The following CMAS variants were observed in gnomAD, a reference collection of about 807,000 sequenced individuals.
The protein encoded by CMAS is cytidine monophosphate N-acetylneuraminic acid synthetase.
A neutral mutation model predicts 53.4 loss-of-function variants in CMAS; 21 were observed. The observed-to-expected ratio is 0.39, with a 90% CI of 0.28 to 0.57. The LOEUF (loss-of-function observed/expected upper bound fraction) is 0.57, where lower values mean the gene tolerates loss of function less well. Among genes scored for constraint, CMAS ranks in the 20% least tolerant of loss-of-function variants. The pLI is 0.56. For synonymous variants in CMAS, 189 were observed against 195.2 expected (o/e 0.97, Z 0.27); for missense variants, 384 against 534.9 (o/e 0.72, Z 2.78).
rs745589927 is a variant in CMAS at position 22,046,498 on chromosome 12, C to T, written c.195C>T (p.His65=). The T allele has an allele frequency of 6.2e-7, 1 of 1,608,446 alleles. No homozygotes were observed. Among genetic ancestry groups the T allele is most frequent in the East Asian group, 2.2e-5 (1 of 44,454 alleles). Residue 65 remains histidine (H), a synonymous_variant, in exon 1 of 8, where the codon CAC becomes CAT. Coordinates refer to ENST00000229329, the MANE Select transcript of CMAS (RefSeq NM_018686.6). ...SKGIPLKNIK[H]LAGVPLIGWV... is the part of the protein sequence containing the mutation. ...GCATCCCCCTGAAGAACATTAAGCA[C>T]CTGGCGGGGGTCCCGCTCATTGGCT...
chr12:22,063,422 C>CTT (rs1187985437), intron 7 of CMAS, among the ~76,000 whole-genome samples: 6 of 152,064 alleles, frequency 3.9e-5, no homozygotes, highest in African/African-American at 1.2e-4. Context: ...TCCAACTATA[C>CTT]TTATTATCTT....
At chr12:22,048,592 A>G (rs1325127233) in intron 1 of CMAS, among the ~76,000 whole-genome samples, 1 of 152,172 alleles carries the variant, frequency 6.6e-6, no homozygotes, top group Non-Finnish European at 1.5e-5. Flanking sequence ...CCTCTTTTAG[A>G]GCAATTAGTT....
At chr12:22,065,070 A>C (rs988006872) in intron 7 of CMAS, 51 bp from the exon 8 acceptor site, 1 of 1,471,262 alleles carries the variant, frequency 6.8e-7, no homozygotes, top group Non-Finnish European at 9.3e-7. Flanking sequence ...ATTTAGCTAG[A>C]ATATTCTTTG....
At chr12:22,046,706 G>A (rs1950209104) in intron 1 of CMAS, 143 bp downstream of exon 1, 1 of 1,032,982 alleles carries the variant, frequency 9.7e-7, no homozygotes, top group Non-Finnish European at 1.3e-6. Context: ...GATCCGGGGT[G>A]CCTGGGGCCG....
In CMAS at chr12:22,061,432, T is replaced by A; in HGVS notation, c.940T>A (p.Leu314Ile). 1 of 1,593,960 alleles carries A rather than the reference T, an allele frequency of 6.3e-7. No individual in the cohort carries two copies. The highest frequency in any genetic ancestry group is 2.2e-5 in the East Asian group (1 of 44,606). The change falls in exon 6 of 8, where the codon TTA becomes ATA. Residue 314 changes from leucine (L) to isoleucine (I), a missense_variant. Transcript: ENST00000229329. The stretch of plus-strand genomic sequence containing the variant: ...AAAAGATGCTATTGGGATAAGTTTA[T>A]TAAAGAAAAGTGGTATTGAGGTATG... ...DVKDAIGISL[L>I]KKSGIEVRLI...
intron 6 of CMAS, 21 bp from the exon 7 acceptor site, chr12:22,062,260 C>CT (rs33946820): frequency 0.03 from 42,363 of 1,403,520 alleles, 3 homozygotes; most frequent in Non-Finnish European, 0.035. Context: ...TCCTCCAATC[C>CT]TTTTTTTTTT....
At chr12:22,059,148 AT>A (rs10615874) in intron 4 of CMAS, among the ~76,000 whole-genome samples, 4,923 of 139,738 alleles carry the variant, frequency 0.035, 188 homozygotes, top group African/African-American at 0.1. Flanking sequence ...ATATATATAT[AT>A]TTTTTTTTTT....
chr12:22,056,225 A>G (rs139232825), intron 3 of CMAS, among the ~76,000 whole-genome samples: 2,928 of 152,262 alleles, frequency 0.019, 37 homozygotes, highest in Non-Finnish European at 0.032. Context: ...CATTTCCTCT[A>G]ATTTAACATA....
intron 3 of CMAS, among the ~76,000 whole-genome samples, chr12:22,057,827 C>CTTTT (rs749650668): frequency 7.1e-6 from 1 of 139,992 alleles, no homozygotes; most frequent in African/African-American, 2.6e-5. Context: ...TAAAAAAGTT[C>CTTTT]TTTTTTTTTT....
In CMAS at chr12:22,062,355, C is replaced by T; in HGVS notation, c.1035C>T (p.Val345=). 1.2e-6 allele frequency: 2 copies of T among 1,612,166 alleles called. No homozygotes were observed. Among genetic ancestry groups the T allele is most frequent in the Non-Finnish European group, 1.7e-6 (2 of 1,179,584 alleles). ...SSLKLDCKME[V]SVSDKLAVVD... is the part of the protein sequence containing the mutation. Reference sequence around the variant, plus strand: ...TAAAACTGGATTGCAAAATGGAAGTCAGTGTATCAGACAAGCTAGCAGTTG... The same window carrying T: ...TAAAACTGGATTGCAAAATGGAAGTTAGTGTATCAGACAAGCTAGCAGTTG... Residue 345 remains valine, a synonymous_variant, in exon 7 of 8, where the codon GTC becomes GTT. Coordinates refer to ENST00000229329, the MANE Select transcript of CMAS (RefSeq NM_018686.6).
intron 1 of CMAS, 67 bp from the exon 2 acceptor site, chr12:22,055,082 A>C: frequency 2.6e-5 from 31 of 1,179,142 alleles, no homozygotes; most frequent in Non-Finnish European, 3.2e-5. Context: ...TTATGGTTAC[A>C]GAGCTCCATT....
At position 22,058,608 on chromosome 12, in the gene CMAS, C is replaced by T. The variant is rs777453073; in HGVS notation, c.601C>T (p.Arg201Trp). 5.0e-6 allele frequency: 8 copies of T among 1,613,460 alleles called. No homozygotes were observed. Among genetic ancestry groups the T allele is most frequent in the East Asian group, 2.2e-5 (1 of 44,824 alleles). The change falls in exon 4 of 8, where the codon CGG (arginine) becomes TGG (tryptophan). Residue 201 changes from arginine to tryptophan, a missense_variant. Arg to Trp is a moderately radical substitution (Grantham distance 101). Around this residue, in one of 3 missense-constraint regions of CMAS, gnomAD observed 139 missense variants for 248.0 expected, o/e 0.56. Transcript: ENST00000229329. ...TEPLNLNPAKRPRRQDWDGEL... is the reference protein window; with the variant it reads ...TEPLNLNPAKWPRRQDWDGEL... ...ACCTCTGAATTTAAATCCAGCTAAA[C>T]GGCCTCGTCGACAAGACTGGGATGG...
intron 3 of CMAS, 85 bp downstream of exon 3, chr12:22,055,695 G>A: frequency 2.7e-6 from 3 of 1,109,950 alleles, no homozygotes; most frequent in Non-Finnish European, 3.9e-6. Flanking sequence ...CATGAGGAGA[G>A]TAAAAGGGGA....
chr12:22,065,390 A>ATGT lies in CMAS; in HGVS notation c.*83_*85dup, dbSNP rs1235276762. 5.6e-6 allele frequency: 6 copies of ATGT among 1,075,630 alleles called. No homozygotes were observed. The highest frequency in any genetic ancestry group is 8.3e-6 in the Non-Finnish European group (6 of 725,774). 66.6% of individuals were successfully genotyped at this position (1,075,630 alleles called of 1,614,324 possible). ...TTTTATTTTTGATTAAGTAAATTCC[A>ATGT]TGTTGTAATGTTACAGAGAGTGTGA... On this transcript the variant is annotated 3_prime_UTR_variant, in exon 8 of 8. Coordinates refer to ENST00000229329, the MANE Select transcript of CMAS (RefSeq NM_018686.6).
intron 7 of CMAS, among the ~76,000 whole-genome samples, chr12:22,064,095 C>T (rs962513151): frequency 4.0e-5 from 6 of 151,874 alleles, no homozygotes; most frequent in Admixed American, 2.0e-4. Flanking sequence ...TTAGTGAAAA[C>T]GATTCAAATT....
chr12:22,059,336 AT>A (rs1484755457), intron 4 of CMAS, among the ~76,000 whole-genome samples: 1 of 151,828 alleles, frequency 6.6e-6, no homozygotes, highest in Non-Finnish European at 1.5e-5. Context: ...ATTATTATTT[AT>A]TATTTACTGT....
intron 3 of CMAS, 128 bp downstream of exon 3, chr12:22,055,738 A>G (rs888735618): frequency 8.2e-6 from 6 of 727,432 alleles, no homozygotes; most frequent in African/African-American, 1.8e-5. Context: ...TCATTACTTT[A>G]GTAGGTAATG....
At position 22,062,341 on chromosome 12, in the gene CMAS, T is replaced by G; in HGVS notation, c.1021T>G (p.Cys341Gly). The G allele has an allele frequency of 1.2e-6, 2 of 1,613,390 alleles. No individual in the cohort carries two copies. Among genetic ancestry groups the G allele is most frequent in the South Asian group, 2.2e-5 (2 of 91,036 alleles). ...GACGCTGTCTTCTTTAAAACTGGAT[T>G]GCAAAATGGAAGTCAGTGTATCAGA... ...KQTLSSLKLDCKMEVSVSDKL... is the reference protein window; with the variant it reads ...KQTLSSLKLDGKMEVSVSDKL... The change falls in exon 7 of 8, where the codon TGC becomes GGC. Residue 341 changes from cysteine to glycine, a missense_variant. By Grantham distance (159) the Cys-to-Gly change is radical (BLOSUM62 -3). Around this residue, in one of 3 missense-constraint regions of CMAS, gnomAD observed 134 missense variants for 154.6 expected, o/e 0.87. Coordinates refer to ENST00000229329, the MANE Select transcript of CMAS (RefSeq NM_018686.6).
At position 22,055,288 on chromosome 12, in the gene CMAS, A is replaced by C; in HGVS notation, c.400A>C (p.Asn134His). The stretch of plus-strand genomic sequence containing the variant: ...CATCATAGAATTTCTTAATTATCAT[A>C]ATGGTATGAATTTGATTAATAGTTT... ...DAIIEFLNYH[N>H]EVDIVGNIQA... Residue 134 changes from asparagine to histidine, a missense_variant, in exon 2 of 8, where the codon AAT becomes CAT. This residue lies in a region of CMAS where 139 missense variants were observed against 248.0 expected (regional missense o/e 0.56). Transcript: ENST00000229329. 6.3e-7 allele frequency: 1 copy of C among 1,596,746 alleles called. No homozygotes were observed. Among genetic ancestry groups the C allele is most frequent in the Non-Finnish European group, 8.6e-7 (1 of 1,167,616 alleles).
Sources: gnomAD v4.1 joint callset for allele counts (sites outside exome capture counted in the v4.1 genomes callset) on GRCh38, gnomAD v4.1.1 for gene constraint, gnomAD v4.1.1 regional missense constraint, MANE v1.5 for transcripts, NCBI Gene and HGNC (gene_info 2026-07-23, HGNC 2026-07-21) for gene names.